FURIN: variants seen among roughly 807,000 people sequenced by gnomAD.
FURIN encodes the protein furin, paired basic amino acid cleaving enzyme.
FURIN carries 18 observed loss-of-function variants against 89.2 expected under a neutral mutation model. That is an observed-to-expected ratio of 0.20 (90% CI 0.14 to 0.30). FURIN has a LOEUF of 0.30. FURIN is among the 10% of genes least tolerant of loss of function. The probability of loss-of-function intolerance (pLI) is 1.00; values close to 1 mark genes in which losing one functional copy is unlikely to be tolerated. For missense variants in FURIN, 879 were observed against 1,100.5 expected (o/e 0.80, Z 2.85); for synonymous variants, 508 against 466.4 (o/e 1.09, Z -1.15).
rs1470795847 is a variant in FURIN at position 90,881,358 on chromosome 15, T to G, written c.1865T>G (p.Val622Gly). ...QHCPPGFAPQ[V>G]LDTHYSTEND... ...TGCCCTCCAGGGTTCGCCCCCCAAG[T>G]CCTCGATACGCACTATAGCACCGAG... The change falls in exon 16 of 16, where the codon GTC becomes GGC. Residue 622 changes from valine (V) to glycine (G), a missense_variant. By Grantham distance (109) the Val-to-Gly change is moderately radical. This residue lies in a region of FURIN where 457 missense variants were observed against 490.7 expected (regional missense o/e 0.93). Coordinates refer to ENST00000268171, the MANE Select transcript of FURIN (RefSeq NM_002569.4). The surrounding 1 kb of genome is among the most constrained non-coding windows in gnomAD (Gnocchi z 4.3). 1 of 1,612,846 alleles carries G rather than the reference T, an allele frequency of 6.2e-7. No homozygotes were observed. Among genetic ancestry groups the G allele is most frequent in the African/African-American group, 1.3e-5 (1 of 74,992 alleles).
Position 90,875,733 on chromosome 15 carries a change from T to TC in FURIN, c.-1dup, listed in dbSNP as rs755429750. On this transcript the variant is annotated 5_prime_UTR_variant, in exon 2 of 16. Coordinates refer to ENST00000268171, the MANE Select transcript of FURIN (RefSeq NM_002569.4). ...GGCGCTCCAGGGTCCCAGCCACCTG[T>TC]CCCCCCCATGGAGCTGAGGCCCTGG... 57 of 1,531,358 alleles carry TC rather than the reference T, an allele frequency of 3.7e-5. No individual in the cohort carries two copies. The highest frequency in any genetic ancestry group is 3.7e-5 in the South Asian group (3 of 81,522). 94.9% of individuals were successfully genotyped at this position (1,531,358 alleles called of 1,614,324 possible). A position where few individuals can be genotyped will look rare whatever the true frequency, so the allele number is the denominator to read the frequency against.
Position 90,877,522 on chromosome 15 carries a change from G to A in FURIN, c.579-5G>A. 3 of 1,564,760 alleles carry A rather than the reference G, an allele frequency of 1.9e-6. No homozygotes were observed. Among genetic ancestry groups the A allele is most frequent in the East Asian group, 4.7e-5 (2 of 42,348 alleles). ...CTACTCATGCTACGTGCTTGGCCCT[G>A]GCAGGCACGGCACACGGTGTGCGGG... On this transcript the variant is annotated splice_region_variant and splice_polypyrimidine_tract_variant and intron_variant, in intron 6 of 15. Transcript: ENST00000268171.
chr15:90,879,423 A>T (rs376057327), intron 9 of FURIN, 21 bp from the exon 10 acceptor site: 3 of 1,572,924 alleles, frequency 1.9e-6, no homozygotes, highest in Non-Finnish European at 2.6e-6. Context: ...ACAGGCCCCA[A>T]TATGATTCTC....
Position 90,878,866 on chromosome 15 carries a change from C to T in FURIN, c.943C>T (p.Leu315=). The T allele has an allele frequency of 6.2e-7, 1 of 1,612,736 alleles. No individual in the cohort carries two copies. Among genetic ancestry groups the T allele is most frequent in the Non-Finnish European group, 8.5e-7 (1 of 1,179,342 alleles). Residue 315 remains leucine, a synonymous_variant, in exon 9 of 16, where the codon CTG becomes TTG. Coordinates refer to ENST00000268171, the MANE Select transcript of FURIN (RefSeq NM_002569.4). ...CGGCTACACCAACAGTATCTACACG[C>T]TGTCCATCAGCAGCGCCACGCAGTT... ...CDGYTNSIYT[L]SISSATQFGN...
Position 90,876,496 on chromosome 15 carries a change from G to T in FURIN, c.311G>T (p.Arg104Leu). ...QWLEQQVAKR[R>L]TKRDVYQEPT... The stretch of plus-strand genomic sequence containing the variant: ...CTGGAACAGCAGGTGGCAAAGCGAC[G>T]GACTAAACGGGACGTGTACCAGGAG... Residue 104 changes from arginine (R) to leucine (L), a missense_variant, in exon 4 of 16, where the codon CGG (arginine) becomes CTG (leucine). This residue lies in a region of FURIN where 139 missense variants were observed against 215.0 expected (regional missense o/e 0.65). Transcript: ENST00000268171. The surrounding 1 kb of genome is among the most constrained non-coding windows in gnomAD (Gnocchi z 5.0). The T allele has an allele frequency of 6.2e-7, 1 of 1,613,928 alleles. No homozygotes were observed. Among genetic ancestry groups the T allele is most frequent in the East Asian group, 2.2e-5 (1 of 44,878 alleles).
chr15:90,881,235 G>C lies in FURIN; in HGVS notation c.1793-51G>C, dbSNP rs551756170. On this transcript the variant is annotated intron_variant, in intron 15 of 15. Coordinates refer to ENST00000268171, the MANE Select transcript of FURIN (RefSeq NM_002569.4). The surrounding 1 kb of genome is among the most constrained non-coding windows in gnomAD (Gnocchi z 4.3). ...GGCTTGGGGCTGCTGTGGTCCTGGG[G>C]CTACAGTCTGTTTAGCTGACACACA... 2 of 1,423,054 alleles carry C rather than the reference G, an allele frequency of 1.4e-6. No homozygotes were observed. Among genetic ancestry groups the C allele is most frequent in the Admixed American group, 3.7e-5 (2 of 54,064 alleles). The allele number at this position is 1,423,054 out of a possible 1,614,324, so 88.2% of individuals were successfully genotyped here.
chr15:90,878,842 G>A lies in FURIN; in HGVS notation c.919G>A (p.Gly307Ser), dbSNP rs1567083931. 6.2e-7 allele frequency: 1 copy of A among 1,611,916 alleles called. No homozygotes were observed. The highest frequency in any genetic ancestry group is 8.5e-7 in the Non-Finnish European group (1 of 1,179,076). ...GGAACATGACAGCTGCAACTGCGAC[G>A]GCTACACCAACAGTATCTACACGCT... ...GREHDSCNCD[G>S]YTNSIYTLSI... Residue 307 changes from glycine to serine, a missense_variant, in exon 9 of 16, where the codon GGC (glycine) becomes AGC (serine). By Grantham distance (56) the Gly-to-Ser change is moderately conservative. This residue lies in a region of FURIN where 156 missense variants were observed against 243.7 expected (regional missense o/e 0.64). Coordinates refer to ENST00000268171, the MANE Select transcript of FURIN (RefSeq NM_002569.4).
rs759345582 is a variant in FURIN, at chr15:90,877,226, G to T, written c.578+15G>T. 2.9e-5 allele frequency: 46 copies of T among 1,580,668 alleles called. No individual in the cohort carries two copies. The highest frequency in any genetic ancestry group is 3.8e-5 in the Non-Finnish European group (44 of 1,159,734). On this transcript the variant is annotated intron_variant, in intron 6 of 15. Coordinates refer to ENST00000268171, the MANE Select transcript of FURIN (RefSeq NM_002569.4). ...AATGACAACAGGTAAGAAGTGGCAG[G>T]CCCCGGTCTCTGCCTCCCTTCTCCT... is the stretch of plus-strand genomic sequence containing the variant.
rs748750445 is a variant in FURIN, at chr15:90,877,474, G to A, written c.579-53G>A. 2.2e-5 allele frequency: 31 copies of A among 1,408,946 alleles called. No homozygotes were observed. In the East Asian group the frequency reaches 3.7e-4, roughly 17 times the overall value. 87.3% of individuals were successfully genotyped at this position (1,408,946 alleles called of 1,614,324 possible). On this transcript the variant is annotated intron_variant, in intron 6 of 15. Transcript: ENST00000268171. ...TCGTGCTCCTCAGGCCACATCTGCC[G>A]GGCCCTGTTCACCCCATTTGTTCTA...
intron 1 of FURIN, among the ~76,000 whole-genome samples, chr15:90,870,031 C>G (rs1209310683): frequency 6.6e-6 from 1 of 152,208 alleles, no homozygotes; most frequent in Non-Finnish European, 1.5e-5. Flanking sequence ...CACTTTGGGA[C>G]AAGGCCAACT....
chr15:90,879,784 G>A lies in FURIN; in HGVS notation c.1258+10G>A. On this transcript the variant is annotated intron_variant, in intron 11 of 15. Transcript: ENST00000268171. ...GGTGTGGGCCGGAAAGGTGAGGGCA[G>A]GCTGGCCCGGCAGGCTGGATGTGGA... 2 of 1,612,106 alleles carry A rather than the reference G, an allele frequency of 1.2e-6. No homozygotes were observed. Among genetic ancestry groups the A allele is most frequent in the Non-Finnish European group, 1.7e-6 (2 of 1,178,612 alleles).
In FURIN at chr15:90,875,814, A is replaced by C. The variant is rs751257429; in HGVS notation, c.74A>C (p.Gln25Pro). Residue 25 changes from glutamine to proline, a missense_variant, in exon 2 of 16, where the codon CAG becomes CCG. Coordinates refer to ENST00000268171, the MANE Select transcript of FURIN (RefSeq NM_002569.4). ...GTLVLLAADAQGQKVFTNTWA... is the reference protein window; with the variant it reads ...GTLVLLAADAPGQKVFTNTWA... ...TTGGTCCTGCTAGCAGCTGATGCTCAGGGCCAGAAGGTCTTCACCAACACG... is the reference window on the plus strand; with the variant it reads ...TTGGTCCTGCTAGCAGCTGATGCTCCGGGCCAGAAGGTCTTCACCAACACG... 6.4e-7 allele frequency: 1 copy of C among 1,565,214 alleles called. No homozygotes were observed. The highest frequency in any genetic ancestry group is 8.7e-7 in the Non-Finnish European group (1 of 1,154,198).
At chr15:90,878,703 C>A in intron 8 of FURIN, 61 bp from the exon 9 acceptor site, 1 of 1,002,066 alleles carries the variant, frequency 1.0e-6, no homozygotes, top group Non-Finnish European at 1.5e-6. Flanking sequence ...CCAGCAGTGT[C>A]CTCCTGCCAG....
intron 1 of FURIN, among the ~76,000 whole-genome samples, chr15:90,870,563 T>C (rs1425392567): frequency 6.6e-6 from 1 of 152,090 alleles, no homozygotes; most frequent in Non-Finnish European, 1.5e-5. Context: ...CGAGAAGAGA[T>C]GGGCACAGGC....
rs375240450 is a variant in FURIN at position 90,881,084 on chromosome 15, G to A, written c.1792+44G>A. 1.3e-5 allele frequency: 18 copies of A among 1,413,080 alleles called. No homozygotes were observed. The South Asian group carries it at 1.8e-4, about 14-fold the overall frequency. The allele number at this position is 1,413,080 out of a possible 1,614,324, so 87.5% of individuals were successfully genotyped here. ...TGGGCTTTGGGGGCCTGAGTCTGGG[G>A]GTAAGGCGGGTGCCTGTCCTGAAGC... On this transcript the variant is annotated intron_variant, in intron 15 of 15. Coordinates refer to ENST00000268171, the MANE Select transcript of FURIN (RefSeq NM_002569.4). The surrounding 1 kb of genome is among the most constrained non-coding windows in gnomAD (Gnocchi z 4.3).
chr15:90,871,328 G>A (rs2031277257), intron 1 of FURIN, among the ~76,000 whole-genome samples: 2 of 152,032 alleles, frequency 1.3e-5, no homozygotes, highest in African/African-American at 4.8e-5. Flanking sequence ...AGCCGAGCCC[G>A]GGGGCGGGGG....
intron 10 of FURIN, 24 bp from the exon 11 acceptor site, chr15:90,879,647 A>C (rs574461971): frequency 6.2e-7 from 1 of 1,600,542 alleles, no homozygotes; most frequent in South Asian, 1.1e-5. Context: ...ACTGATCCCC[A>C]GCCTCTCCCT....
chr15:90,877,337 T>TGGGGCTCTGAGGG, intron 6 of FURIN, 126 bp downstream of exon 6: 2 of 972,816 alleles, frequency 2.1e-6, no homozygotes, highest in Non-Finnish European at 1.5e-6. Context: ...CTGGCCCACC[T>TGGGGCTCTGAGGG]GGGGCTCTGA....
In FURIN at chr15:90,876,923, G is replaced by A. The variant is rs1479430208; in HGVS notation, c.400G>A (p.Val134Met). The A allele has an allele frequency of 1.9e-6, 3 of 1,614,078 alleles. No individual in the cohort carries two copies. Among genetic ancestry groups the A allele is most frequent in the African/African-American group, 1.3e-5 (1 of 74,946 alleles). Residue 134 changes from valine to methionine, a missense_variant, in exon 5 of 16, where the codon GTG becomes ATG. Coordinates refer to ENST00000268171, the MANE Select transcript of FURIN (RefSeq NM_002569.4). The surrounding 1 kb of genome is among the most constrained non-coding windows in gnomAD (Gnocchi z 5.0). ...TGGTGTCACTCAGCGGGACCTGAAT[G>A]TGAAGGCGGCCTGGGCGCAGGGCTA... ...LSGVTQRDLN[V>M]KAAWAQGYTG...
Sources: allele counts gnomAD v4.1 joint callset (sites outside exome capture counted in the v4.1 genomes callset), GRCh38; gene constraint gnomAD v4.1.1; regional missense constraint gnomAD v4.1.1; non-coding constraint Gnocchi (gnomAD v3.1); transcripts MANE v1.5; gene names NCBI Gene and HGNC (gene_info 2026-07-23, HGNC 2026-07-21).